The following MIA2 variants were observed in gnomAD, a reference collection of about 807,000 sequenced individuals.
The protein encoded by MIA2 is MIA SH3 domain ER export factor 2, also known as melanoma inhibitory activity protein 2.
Under a neutral mutation model 167.8 loss-of-function variants are expected in MIA2, and 127 were observed. The ratio of observed to expected loss-of-function variants is 0.76; its 90% CI spans 0.66 to 0.88. The LOEUF is 0.88. Ranked by LOEUF, MIA2 falls within the 40% of genes least tolerant of loss-of-function variation. The pLI is 0.00. For missense variants in MIA2, 1,690 were observed against 1,624.7 expected (o/e 1.04, Z -0.69); for synonymous variants, 552 against 541.9 (o/e 1.02, Z -0.26).
chr14:39,331,830 C>G (rs1340896216), intron 25 of MIA2, among the ~76,000 whole-genome samples: 1 of 152,184 alleles, frequency 6.6e-6, no homozygotes, highest in African/African-American at 2.4e-5. Flanking sequence ...CGCTGTTAGT[C>G]TGATGGGCTT....
intron 13 of MIA2, among the ~76,000 whole-genome samples, chr14:39,296,431 TGCTTTTTTCCTCCTGGAA>T (rs937359894): frequency 1.3e-5 from 2 of 151,916 alleles, no homozygotes; most frequent in Admixed American, 6.6e-5. Flanking sequence ...TTTGGAAATC[TGCTTTTTTCCTCCTGGAA>T]GCTTTTAATA....
At chr14:39,354,125 C>G (rs921264975), downstream of MIA2, among the ~76,000 whole-genome samples, 3 of 152,164 alleles carry the variant, frequency 2.0e-5, no homozygotes, top group African/African-American at 7.2e-5. Flanking sequence ...TTCTAGATCC[C>G]TGAGGAATCA....
Position 39,319,297 on chromosome 14 carries a change from CTT to C in MIA2, c.3367+16_3367+17del, listed in dbSNP as rs556166758. Reference sequence around the variant, plus strand: ...AAATACAGCATTTGGCAGAGGTAGTCTTTTTTTTTTTACCCCTCATTTAAAAT... The same window carrying C: ...AAATACAGCATTTGGCAGAGGTAGTCTTTTTTTTTACCCCTCATTTAAAAT... On this transcript the variant is annotated splice_region_variant and intron_variant, in intron 23 of 28. Coordinates refer to ENST00000640607, the MANE Select transcript of MIA2 (RefSeq NM_001329214.4). The C allele has an allele frequency of 4.8e-4, 589 of 1,227,376 alleles. No homozygotes were observed. Among genetic ancestry groups the C allele is most frequent in the South Asian group, 1.2e-3 (67 of 55,010 alleles). 76.0% of individuals were successfully genotyped at this position (1,227,376 alleles called of 1,614,324 possible). A position where few individuals can be genotyped will look rare whatever the true frequency, so the allele number is the denominator to read the frequency against.
intron 23 of MIA2, chr14:39,385,541 C>T: frequency 1.2e-6 from 1 of 831,986 alleles, no homozygotes; most frequent in Non-Finnish European, 2.1e-6. Context: ...TTGTGATAAA[C>T]CAAATCAAAT....
Position 39,277,045 on chromosome 14 carries a change from T to A in MIA2, c.1999T>A (p.Leu667Met), listed in dbSNP as rs756285984. The A allele has an allele frequency of 6.2e-7, 1 of 1,613,782 alleles. No homozygotes were observed. Among genetic ancestry groups the A allele is most frequent in the South Asian group, 1.1e-5 (1 of 91,054 alleles). ...VVGFFAVLFF[L>M]WRSFRSVRSR... Reference sequence around the variant, plus strand: ...TGGATTTTTTGCTGTTCTCTTTTTTTTGTGGAGAAGTTTTAGATCGGTAAG... The same window carrying A: ...TGGATTTTTTGCTGTTCTCTTTTTTATGTGGAGAAGTTTTAGATCGGTAAG... The change falls in exon 7 of 29, where the codon TTG becomes ATG. Residue 667 changes from leucine to methionine, a missense_variant. Coordinates refer to ENST00000640607, the MANE Select transcript of MIA2 (RefSeq NM_001329214.4).
At chr14:39,384,830 C>CAG (rs2075241976) in intron 23 of MIA2, among the ~76,000 whole-genome samples, 1 of 152,140 alleles carries the variant, frequency 6.6e-6, no homozygotes, top group South Asian at 2.1e-4. Context: ...CTGCTCTACA[C>CAG]AGCGCCCTGA....
chr14:39,301,743 G>C (rs1001856592), intron 14 of MIA2, among the ~76,000 whole-genome samples: 3 of 151,996 alleles, frequency 2.0e-5, no homozygotes, highest in African/African-American at 7.3e-5. Context: ...AAAAATCTAC[G>C]ATCTTTTTAT....
chr14:39,326,057 G>A (rs543251784), intron 24 of MIA2, among the ~76,000 whole-genome samples: 7 of 152,254 alleles, frequency 4.6e-5, no homozygotes, highest in Non-Finnish European at 1.0e-4. Context: ...TTCTGTGGTC[G>A]TAAGAAGGGA....
chr14:39,355,509 T>C (rs2074499564), downstream of MIA2, among the ~76,000 whole-genome samples: 3 of 152,162 alleles, frequency 2.0e-5, no homozygotes, highest in Admixed American at 2.0e-4. Context: ...CAGGGACAAT[T>C]TGACTTCCTC....
chr14:39,284,336 G>A (rs888541717), intron 9 of MIA2, among the ~76,000 whole-genome samples: 1 of 151,908 alleles, frequency 6.6e-6, no homozygotes, highest in Non-Finnish European at 1.5e-5. Flanking sequence ...TATATTCTTG[G>A]TGCCCTATTG....
intron 25 of MIA2, among the ~76,000 whole-genome samples, chr14:39,340,114 A>G (rs936634333): frequency 1.3e-5 from 2 of 152,190 alleles, no homozygotes; most frequent in Non-Finnish European, 2.9e-5. Flanking sequence ...AAGTGCTGGG[A>G]TTACAGACGT....
At chr14:39,269,074 GTTTTTTTTTTTT>G (rs3065036) in intron 6 of MIA2, 126 of 583,206 alleles carry the variant, frequency 2.2e-4, no homozygotes, top group African/African-American at 3.4e-4. Flanking sequence ...CACCTGCACA[GTTTTTTTTTTTT>G]TTTTTTTTTT....
At chr14:39,357,924 TGTTA>T (rs1178722564) in intron 23 of MIA2, among the ~76,000 whole-genome samples, 5 of 152,268 alleles carry the variant, frequency 3.3e-5, no homozygotes. Context: ...AGAGATCAGC[TGTTA>T]GTCTGATGGA....
Position 39,294,975 on chromosome 14 carries a change from A to G in MIA2, c.2442A>G (p.Ile814Met). The change falls in exon 13 of 29, where the codon ATA becomes ATG. Residue 814 changes from isoleucine to methionine, a missense_variant. Physicochemically the swap from Ile to Met is conservative, Grantham distance 10 (BLOSUM62 1). Coordinates refer to ENST00000640607, the MANE Select transcript of MIA2 (RefSeq NM_001329214.4). ...IFQMNEERLK[I>M]AIKDALNENS... The stretch of plus-strand genomic sequence containing the variant: ...AAATGAATGAAGAACGACTGAAGAT[A>G]GCAATAAAAGATGCTTTGAATGAAA... The G allele has an allele frequency of 6.2e-7, 1 of 1,614,094 alleles. No homozygotes were observed. Among genetic ancestry groups the G allele is most frequent in the Non-Finnish European group, 8.5e-7 (1 of 1,179,960 alleles).
rs147475645 is a variant in MIA2 at position 39,255,255 on chromosome 14, C to A, written c.1887+2084C>A. ...TCAGGCCTACAGGCCTGAGTGTAATCCCAGCACTTTGGGAGGCCAAAGTGG... is the reference window on the plus strand; with the variant it reads ...TCAGGCCTACAGGCCTGAGTGTAATACCAGCACTTTGGGAGGCCAAAGTGG... On this transcript the variant is annotated intron_variant, in intron 6 of 28. Coordinates refer to ENST00000640607, the MANE Select transcript of MIA2 (RefSeq NM_001329214.4). Among the ~76,000 whole-genome samples, 64 of 152,230 alleles carry A rather than the reference C, an allele frequency of 4.2e-4. 1 individual carries two copies. The East Asian group carries it at 0.012, about 28-fold the overall frequency.
rs1274377382 is a variant in MIA2 at position 39,285,493 on chromosome 14, C to T, written c.2131-5526C>T. ...GGGGGCTGACCCCCCACCTCCCTCC[C>T]GGACGGGGCGGCTGGCCGGGCGGGG... On this transcript the variant is annotated intron_variant, in intron 9 of 28. Transcript: ENST00000640607. Among the ~76,000 whole-genome samples, 86 of 146,746 alleles carry T rather than the reference C, an allele frequency of 5.9e-4. 1 individual carries two copies. Among genetic ancestry groups the T allele is most frequent in the African/African-American group, 8.7e-4 (35 of 40,228 alleles).
chr14:39,236,841 G>C lies in MIA2; in HGVS notation c.116-81G>C. ...TTAGCATTTGGAAACATATAGGATG[G>C]ATTGAGGGACAGCAAGATGAAAGGA... On this transcript the variant is annotated intron_variant, in intron 1 of 28. Transcript: ENST00000640607. 3.0e-6 allele frequency: 4 copies of C among 1,320,036 alleles called. No homozygotes were observed. In the South Asian group the frequency reaches 5.6e-5, roughly 19 times the overall value. 81.8% of individuals were successfully genotyped at this position (1,320,036 alleles called of 1,614,324 possible).
At chr14:39,297,666 C>CTTGTGTGTGTGTGT (rs1555375077) in intron 13 of MIA2, among the ~76,000 whole-genome samples, 1 of 140,074 alleles carries the variant, frequency 7.1e-6, no homozygotes, top group Non-Finnish European at 1.5e-5. Context: ...TAGGGTTTTG[C>CTTGTGTGTGTGTGT]GTGTGTGTGT....
intron 6 of MIA2, chr14:39,265,574 G>A (rs1158956879): frequency 5.1e-6 from 3 of 590,328 alleles, no homozygotes; most frequent in Non-Finnish European, 8.5e-6. Context: ...TTAATATTTG[G>A]AGTGGTAATT....
Sources: gnomAD v4.1 joint callset for allele counts (sites outside exome capture counted in the v4.1 genomes callset) on GRCh38, gnomAD v4.1.1 for gene constraint, MANE v1.5 for transcripts, NCBI Gene and HGNC (gene_info 2026-07-23, HGNC 2026-07-21) for gene names.